The following CFAP47 variants were observed in gnomAD, a reference collection of about 807,000 sequenced individuals.
The protein encoded by CFAP47 is cilia- and flagella-associated protein 47.
In CFAP47, 29 loss-of-function variants were observed where a neutral mutation model predicts 148.1. That is an observed-to-expected ratio of 0.20 (90% CI 0.15 to 0.27). The LOEUF is 0.27. Among genes scored for constraint, CFAP47 ranks in the 10% least tolerant of loss-of-function variants. The probability of loss-of-function intolerance (pLI) is 1.00; values close to 1 mark genes in which losing one functional copy is unlikely to be tolerated. For synonymous variants in CFAP47, 664 were observed against 577.3 expected (o/e 1.15, Z -2.15); for missense variants, 1,872 against 1,697.5 (o/e 1.10, Z -1.81).
intron 45 of CFAP47, among the ~76,000 whole-genome samples, chrX:36,226,164 A>G (rs782497006): frequency 1.8e-4 from 20 of 111,903 alleles, no homozygotes; most frequent in African/African-American, 6.5e-4. Flanking sequence ...GATCTATGTG[A>G]GAACTGAGTA....
chrX:36,131,152 T>C (rs1211794600), intron 33 of CFAP47, among the ~76,000 whole-genome samples: 2 of 111,094 alleles, frequency 1.8e-5, no homozygotes, highest in Non-Finnish European at 3.8e-5. Context: ...ATTGAATGCC[T>C]GTATCAAAAC....
intron 7 of CFAP47, among the ~76,000 whole-genome samples, chrX:35,954,818 A>G (rs750745121): frequency 1.8e-5 from 2 of 111,555 alleles, no homozygotes; most frequent in Admixed American, 1.9e-4. Flanking sequence ...TTTCATGTGC[A>G]CTTATATCTG....
At chrX:36,331,714 A>G (rs1384717027) in intron 57 of CFAP47, among the ~76,000 whole-genome samples, 2 of 111,541 alleles carry the variant, frequency 1.8e-5, no homozygotes, top group African/African-American at 6.5e-5. Flanking sequence ...TAGTAAAGCC[A>G]TCAAGATGTA....
intron 33 of CFAP47, among the ~76,000 whole-genome samples, chrX:36,111,564 A>AT (rs1335967867): frequency 1.8e-5 from 2 of 110,987 alleles, no homozygotes; most frequent in African/African-American, 3.3e-5. Context: ...TGAAGATTTC[A>AT]TTTTTTTGTT....
chrX:36,164,145 T>G (rs1437531373), intron 39 of CFAP47, among the ~76,000 whole-genome samples: 1 of 111,509 alleles, frequency 9.0e-6, no homozygotes, highest in Non-Finnish European at 1.9e-5. Flanking sequence ...GAATCTATAT[T>G]TTGCTGTTGT....
intron 37 of CFAP47, among the ~76,000 whole-genome samples, chrX:36,156,438 A>G (rs992519473): frequency 4.5e-5 from 5 of 111,218 alleles, no homozygotes; most frequent in African/African-American, 1.6e-4. Flanking sequence ...CTTTATGACT[A>G]CATTTAGCTA....
chrX:36,173,091 G>C, intron 39 of CFAP47, among the ~76,000 whole-genome samples: 1 of 110,707 alleles, frequency 9.0e-6, no homozygotes, highest in Non-Finnish European at 1.9e-5. Context: ...TTGCGTAGAG[G>C]TGTTTGTAGT....
At chrX:35,989,238 A>T in intron 15 of CFAP47, 81 bp from the exon 16 acceptor site, 1 of 745,323 alleles carries the variant, frequency 1.3e-6, no homozygotes, top group Non-Finnish European at 2.0e-6. Context: ...TTTTTACCTT[A>T]ACTCTTATTT....
intron 40 of CFAP47, among the ~76,000 whole-genome samples, chrX:36,186,726 G>A (rs782351385): frequency 9.0e-6 from 1 of 111,292 alleles, no homozygotes; most frequent in African/African-American, 3.3e-5. Context: ...ATTTTAGCTT[G>A]AAAAGTGATG....
At chrX:36,291,331 G>T (rs1941190286) in intron 51 of CFAP47, among the ~76,000 whole-genome samples, 1 of 111,921 alleles carries the variant, frequency 8.9e-6, no homozygotes, top group African/African-American at 3.2e-5. Context: ...ATTTCTGAGT[G>T]AAGTAGTGTT....
chrX:36,238,350 C>G (rs1163454651), intron 48 of CFAP47, among the ~76,000 whole-genome samples: 1 of 112,413 alleles, frequency 8.9e-6, no homozygotes, highest in East Asian at 2.8e-4. Flanking sequence ...TGACGCCTCC[C>G]CAGCCACATG....
chrX:36,145,812 A>T (rs994468070), intron 36 of CFAP47, among the ~76,000 whole-genome samples: 3 of 110,180 alleles, frequency 2.7e-5, no homozygotes, highest in Non-Finnish European at 5.7e-5. Context: ...AACTTCTTTG[A>T]GAAAATAACT....
chrX:36,329,818 C>T (rs1440054102), intron 57 of CFAP47, among the ~76,000 whole-genome samples: 4 of 111,395 alleles, frequency 3.6e-5, no homozygotes, highest in African/African-American at 9.8e-5. Flanking sequence ...CAAAACTAGA[C>T]AGCTTATGTT....
rs1556023627 is a variant in CFAP47 at position 36,379,338 on chromosome X, C to T, written c.9186-12C>T. On this transcript the variant is annotated splice_polypyrimidine_tract_variant and intron_variant, in intron 62 of 63. Coordinates refer to ENST00000378653, the MANE Select transcript of CFAP47 (RefSeq NM_001304548.2). ...GAAATTTACTAAGTTGAATTTTGTA[C>T]TTTTGTTCCAGAAATCCTGAGCCGT... is the stretch of plus-strand genomic sequence containing the variant. The T allele has an allele frequency of 8.6e-7, 1 of 1,162,778 alleles. No homozygotes were observed. The highest frequency in any genetic ancestry group is 2.6e-5 in the Admixed American group (1 of 38,315).
Position 36,379,338 on chromosome X carries a change from CT to C in CFAP47, c.9186-8del. The C allele has an allele frequency of 1.7e-6, 2 of 1,164,280 alleles. No individual in the cohort carries two copies. The highest frequency in any genetic ancestry group is 2.3e-6 in the Non-Finnish European group (2 of 870,368). On this transcript the variant is annotated splice_polypyrimidine_tract_variant and intron_variant, in intron 62 of 63. Transcript: ENST00000378653. Reference sequence around the variant, plus strand: ...GAAATTTACTAAGTTGAATTTTGTACTTTTGTTCCAGAAATCCTGAGCCGTT... The same window carrying C: ...GAAATTTACTAAGTTGAATTTTGTACTTTGTTCCAGAAATCCTGAGCCGTT...
At chrX:36,135,045 C>G (rs1939019733) in intron 33 of CFAP47, among the ~76,000 whole-genome samples, 1 of 110,736 alleles carries the variant, frequency 9.0e-6, no homozygotes, top group African/African-American at 3.3e-5. Context: ...TTAGAATTAC[C>G]AAGCATCGTA....
intron 21 of CFAP47, among the ~76,000 whole-genome samples, chrX:36,004,933 A>G (rs2146695722): frequency 8.9e-6 from 1 of 111,763 alleles, no homozygotes; most frequent in South Asian, 3.7e-4. Context: ...ATAGGTCTGT[A>G]TTTATAAAAT....
At chrX:36,113,076 T>A (rs1938580582) in intron 33 of CFAP47, among the ~76,000 whole-genome samples, 1 of 111,959 alleles carries the variant, frequency 8.9e-6, no homozygotes, top group African/African-American at 3.3e-5. Flanking sequence ...AATTGGGGCG[T>A]ATAGCCCTCT....
intron 33 of CFAP47, among the ~76,000 whole-genome samples, chrX:36,114,895 G>T (rs1049586931): frequency 2.7e-5 from 3 of 112,228 alleles, no homozygotes; most frequent in Admixed American, 9.4e-5. Flanking sequence ...GTGCTAGTGG[G>T]TGCTGGGATT....
Sources: allele counts gnomAD v4.1 joint callset (sites outside exome capture counted in the v4.1 genomes callset), GRCh38; gene constraint gnomAD v4.1.1; transcripts MANE v1.5; gene names NCBI Gene and HGNC (gene_info 2026-07-23, HGNC 2026-07-21).